Variants in FAM171A1 observed in about 807,000 individuals in gnomAD.
FAM171A1 encodes family with sequence similarity 171 member A1.
A neutral mutation model predicts 74.9 loss-of-function variants in FAM171A1; 23 were observed. The ratio of observed to expected loss-of-function variants is 0.31; its 90% CI spans 0.22 to 0.44. The LOEUF is 0.44. FAM171A1 is among the 20% of genes least tolerant of loss of function. The pLI, the probability that FAM171A1 is intolerant of heterozygous loss-of-function variation, is 1.00. For missense variants in FAM171A1, 1,162 were observed against 1,159.2 expected (o/e 1.00, Z -0.03); for synonymous variants, 527 against 505.7 (o/e 1.04, Z -0.57).
intron 1 of FAM171A1, among the ~76,000 whole-genome samples, chr10:15,309,266 G>A (rs1380653546): frequency 6.6e-6 from 1 of 152,076 alleles, no homozygotes; most frequent in Non-Finnish European, 1.5e-5. Flanking sequence ...TGGAGTGCAG[G>A]GGCACGATCA....
intron 1 of FAM171A1, among the ~76,000 whole-genome samples, chr10:15,328,231 A>G (rs1282017126): frequency 2.0e-5 from 3 of 151,860 alleles, no homozygotes; most frequent in African/African-American, 7.3e-5. Flanking sequence ...TGCAACCTCC[A>G]CCTCCTGGGT....
intron 1 of FAM171A1, among the ~76,000 whole-genome samples, chr10:15,370,240 C>CTTTTTT (rs34087157): frequency 1.8e-5 from 2 of 110,866 alleles, no homozygotes; most frequent in African/African-American, 3.3e-5. Flanking sequence ...AAGGATTTTT[C>CTTTTTT]TTTTTTTTTT....
chr10:15,338,935 C>T (rs922189699), intron 1 of FAM171A1, among the ~76,000 whole-genome samples: 17 of 151,998 alleles, frequency 1.1e-4, no homozygotes, highest in South Asian at 2.1e-4. Context: ...TCTGGGGTTT[C>T]GCCATGTTGG....
At chr10:15,311,396 T>G (rs1399542597) in intron 1 of FAM171A1, among the ~76,000 whole-genome samples, 1 of 152,204 alleles carries the variant, frequency 6.6e-6, no homozygotes, top group Non-Finnish European at 1.5e-5. Context: ...TTTAGTTATT[T>G]TTGACCCACT....
In FAM171A1 at chr10:15,254,720, C is replaced by T. The variant is rs758320165; in HGVS notation, c.577+1G>A. ...CTGAAAAGAGAAAAGACTCCAATTACCTGTTCCATTTCCGTCTAATCCTCG... is the reference window on the plus strand; with the variant it reads ...CTGAAAAGAGAAAAGACTCCAATTATCTGTTCCATTTCCGTCTAATCCTCG... On this transcript the variant is annotated splice_donor_variant, in intron 4 of 7. Coordinates refer to ENST00000378116, the MANE Select transcript of FAM171A1 (RefSeq NM_001010924.2). LOFTEE classifies it high-confidence loss of function. The T allele has an allele frequency of 1.9e-6, 3 of 1,613,716 alleles. No homozygotes were observed. In the South Asian group the frequency reaches 3.3e-5, roughly 18 times the overall value.
intron 3 of FAM171A1, among the ~76,000 whole-genome samples, chr10:15,263,845 T>C (rs1029428949): frequency 1.3e-5 from 2 of 148,516 alleles, no homozygotes; most frequent in African/African-American, 2.5e-5. Context: ...TATACATTTA[T>C]CTCATCTATC....
intron 1 of FAM171A1, among the ~76,000 whole-genome samples, chr10:15,334,617 G>A (rs1417047831): frequency 6.6e-6 from 1 of 152,204 alleles, no homozygotes; most frequent in East Asian, 1.9e-4. Context: ...AGAGCAGGGG[G>A]AAAGGGTGTA....
At chr10:15,356,945 T>C (rs924671851) in intron 1 of FAM171A1, among the ~76,000 whole-genome samples, 1 of 151,528 alleles carries the variant, frequency 6.6e-6, no homozygotes, top group African/African-American at 2.4e-5. Flanking sequence ...CCCTCCAGCC[T>C]GGGCAACAGA....
intron 1 of FAM171A1, among the ~76,000 whole-genome samples, chr10:15,346,129 G>A (rs1256283372): frequency 6.6e-6 from 1 of 152,100 alleles, no homozygotes; most frequent in Non-Finnish European, 1.5e-5. Flanking sequence ...TAGAGACAGG[G>A]TTGTCTTGTC....
intron 1 of FAM171A1, among the ~76,000 whole-genome samples, chr10:15,303,390 T>C (rs55920238): frequency 0.22 from 32,992 of 152,268 alleles, 3,823 homozygotes; most frequent in Non-Finnish European, 0.27. Context: ...GTGATTTTTT[T>C]CCGTAGTGAA....
chr10:15,258,254 T>A (rs987388350), intron 3 of FAM171A1, among the ~76,000 whole-genome samples: 2 of 151,910 alleles, frequency 1.3e-5, no homozygotes, highest in Admixed American at 6.6e-5. Context: ...AGATATGAGG[T>A]TTCATCACAT....
intron 1 of FAM171A1, among the ~76,000 whole-genome samples, chr10:15,288,129 A>G (rs770985908): frequency 6.6e-6 from 1 of 152,214 alleles, no homozygotes; most frequent in Non-Finnish European, 1.5e-5. Context: ...ATTCCATAGT[A>G]TATATATACC....
chr10:15,267,051 A>G (rs1056558290), intron 3 of FAM171A1, among the ~76,000 whole-genome samples: 1 of 152,184 alleles, frequency 6.6e-6, no homozygotes, highest in African/African-American at 2.4e-5. Context: ...GTTGGAGAGC[A>G]GAGACTCGAG....
At chr10:15,368,241 AG>A (rs1836090483) in intron 1 of FAM171A1, among the ~76,000 whole-genome samples, 2 of 152,256 alleles carry the variant, frequency 1.3e-5, no homozygotes, top group Admixed American at 1.3e-4. Context: ...ACGGGAAGAG[AG>A]TCTGAAGCCA....
At chr10:15,311,117 G>A (rs944820275) in intron 1 of FAM171A1, among the ~76,000 whole-genome samples, 1 of 152,182 alleles carries the variant, frequency 6.6e-6, no homozygotes, top group African/African-American at 2.4e-5. Context: ...CCACCCACAG[G>A]CTACTGCCCC....
chr10:15,318,108 A>G (rs1487995467), intron 1 of FAM171A1, among the ~76,000 whole-genome samples: 1 of 152,198 alleles, frequency 6.6e-6, no homozygotes, highest in Non-Finnish European at 1.5e-5. Flanking sequence ...ACTCAGTTTT[A>G]TCACTAGAGG....
At chr10:15,232,492 G>A (rs1834220455) in intron 5 of FAM171A1, among the ~76,000 whole-genome samples, 1 of 152,158 alleles carries the variant, frequency 6.6e-6, no homozygotes. Context: ...CTGGCACAAA[G>A]AAGATGTTCA....
At chr10:15,342,799 C>A (rs1352780032) in intron 1 of FAM171A1, among the ~76,000 whole-genome samples, 1 of 152,216 alleles carries the variant, frequency 6.6e-6, no homozygotes, top group African/African-American at 2.4e-5. Context: ...GCAAGTCAGA[C>A]CCTCTCCAGG....
chr10:15,232,767 A>G (rs1834224074), intron 5 of FAM171A1, among the ~76,000 whole-genome samples: 1 of 152,144 alleles, frequency 6.6e-6, no homozygotes, highest in Non-Finnish European at 1.5e-5. Context: ...AATCTGATAA[A>G]CTGGGAAAGG....
Sources: allele counts gnomAD v4.1 joint callset (sites outside exome capture counted in the v4.1 genomes callset), GRCh38; gene constraint gnomAD v4.1.1; transcripts MANE v1.5; gene names NCBI Gene and HGNC (gene_info 2026-07-23, HGNC 2026-07-21).